SCAPER: variants seen among roughly 807,000 people sequenced by gnomAD.
SCAPER encodes the protein S phase cyclin A-associated protein in the endoplasmic reticulum.
Under a neutral mutation model 182.2 loss-of-function variants are expected in SCAPER, and 98 were observed. That is an observed-to-expected ratio of 0.54 (90% CI 0.46 to 0.64). The LOEUF (loss-of-function observed/expected upper bound fraction) is 0.64, where lower values mean the gene tolerates loss of function less well. SCAPER is among the 30% of genes least tolerant of loss of function. The probability of loss-of-function intolerance (pLI) is 0.00; values close to 1 mark genes in which losing one functional copy is unlikely to be tolerated. For missense variants in SCAPER, 1,432 were observed against 1,690.0 expected (o/e 0.85, Z 2.68); for synonymous variants, 605 against 564.6 (o/e 1.07, Z -1.01).
rs1024959170 is a variant in SCAPER at position 76,707,142 on chromosome 15, A to T, written c.2166-1158T>A. 2.8e-4 allele frequency among the ~76,000 whole-genome samples: 42 copies of T among 152,100 alleles called. 1 individual carries two copies. Among genetic ancestry groups the T allele is most frequent in the Non-Finnish European group, 2.9e-5 (2 of 67,974 alleles). On this transcript the variant is annotated intron_variant, in intron 17 of 31. Coordinates refer to ENST00000563290, the MANE Select transcript of SCAPER (RefSeq NM_020843.4). ...TAATCCAAAAAGCAACTATTAAAGTAACTAAAATAATTTTTTAAAAAACAA... is the reference window on the plus strand; with the variant it reads ...TAATCCAAAAAGCAACTATTAAAGTTACTAAAATAATTTTTTAAAAAACAA...
intron 23 of SCAPER, among the ~76,000 whole-genome samples, chr15:76,568,945 CTAACT>C (rs2047241288): frequency 6.6e-6 from 1 of 151,838 alleles, no homozygotes; most frequent in African/African-American, 2.4e-5. Flanking sequence ...CCTTGTTAAT[CTAACT>C]TATTTGTGCT....
At chr15:76,858,768 C>T (rs1005876733) in intron 3 of SCAPER, among the ~76,000 whole-genome samples, 3 of 152,158 alleles carry the variant, frequency 2.0e-5, no homozygotes, top group Admixed American at 6.5e-5. Flanking sequence ...TAATGATCTC[C>T]AGCTCCATCC....
rs549340427 is a variant in SCAPER at position 76,435,862 on chromosome 15, C to T, written c.3079-1552G>A. ...CTCTAATTCCTAATACTTCAGTGCA[C>T]GCCCTGTAGAACTTTGAAACTCCAG... is the stretch of plus-strand genomic sequence containing the variant. On this transcript the variant is annotated intron_variant, in intron 25 of 31. Transcript: ENST00000563290. Among the ~76,000 whole-genome samples, 10 of 152,202 alleles carry T rather than the reference C, an allele frequency of 6.6e-5. No homozygotes were observed. In the South Asian group the frequency reaches 8.3e-4, roughly 13 times the overall value.
intron 17 of SCAPER, among the ~76,000 whole-genome samples, chr15:76,716,709 G>T (rs1169300368): frequency 6.6e-6 from 1 of 151,618 alleles, no homozygotes; most frequent in African/African-American, 2.4e-5. Context: ...TCAAGCAGAA[G>T]AAAGAACCTT....
At chr15:76,800,474 C>A in intron 6 of SCAPER, 110 bp from the exon 7 acceptor site, 1 of 722,838 alleles carries the variant, frequency 1.4e-6, no homozygotes, top group Non-Finnish European at 2.4e-6. Context: ...TTTTCAACAA[C>A]AACAACAAAA....
intron 22 of SCAPER, among the ~76,000 whole-genome samples, chr15:76,575,949 C>T (rs969878959): frequency 6.6e-6 from 1 of 152,208 alleles, no homozygotes; most frequent in Admixed American, 6.5e-5. Flanking sequence ...GCGAGGTGCT[C>T]GTCTATCTGC....
intron 28 of SCAPER, 35 bp downstream of exon 28, chr15:76,381,343 A>G (rs368715930): frequency 6.4e-7 from 1 of 1,555,622 alleles, no homozygotes; most frequent in African/African-American, 1.4e-5. Context: ...CTAACTCTTG[A>G]TTGGTTAACA....
intron 23 of SCAPER, among the ~76,000 whole-genome samples, chr15:76,517,060 T>C (rs1296889204): frequency 1.3e-5 from 2 of 152,094 alleles, no homozygotes; most frequent in Non-Finnish European, 2.9e-5. Context: ...GGACTGAGTC[T>C]AGGTTTATCT....
At chr15:76,534,601 A>C (rs2043971333) in intron 23 of SCAPER, among the ~76,000 whole-genome samples, 1 of 152,182 alleles carries the variant, frequency 6.6e-6, no homozygotes, top group African/African-American at 2.4e-5. Flanking sequence ...AAAATTTGTA[A>C]TTATAATTTT....
intron 14 of SCAPER, among the ~76,000 whole-genome samples, chr15:76,754,748 G>C (rs2062310671): frequency 1.3e-5 from 2 of 152,008 alleles, no homozygotes; most frequent in African/African-American, 4.8e-5. Flanking sequence ...AAAAAAGTAT[G>C]ATACAAAAAT....
At chr15:76,642,795 G>A (rs1327432837) in intron 21 of SCAPER, among the ~76,000 whole-genome samples, 1 of 151,954 alleles carries the variant, frequency 6.6e-6, no homozygotes, top group Non-Finnish European at 1.5e-5. Flanking sequence ...GTATATGTTT[G>A]GACTTTTAGA....
At chr15:76,718,617 G>A (rs2060020236) in intron 17 of SCAPER, among the ~76,000 whole-genome samples, 1 of 149,554 alleles carries the variant, frequency 6.7e-6, no homozygotes, top group South Asian at 2.1e-4. Context: ...CTCCAGCCTG[G>A]ACAAGAGAAC....
chr15:76,574,229 A>T lies in SCAPER; in HGVS notation c.2767T>A (p.Ser923Thr), dbSNP rs1485666141. 7 of 1,611,936 alleles carry T rather than the reference A, an allele frequency of 4.3e-6. No homozygotes were observed. Residue 923 changes from serine to threonine, a missense_variant, in exon 23 of 32, where the codon TCA (serine) becomes ACA (threonine). Ser to Thr is a moderately conservative substitution (Grantham distance 58). Around this residue, in one of 5 missense-constraint regions of SCAPER, gnomAD observed 718 missense variants for 799.7 expected, o/e 0.90. Transcript: ENST00000563290. ...LKQVQVQDSG[S>T]WANNKVSALD... ...GCAGACACTTTATTGTTTGCCCATG[A>T]GCCACTGTCTTGAACTTGTACTTGT...
chr15:76,851,525 C>T (rs2070755334), intron 4 of SCAPER, among the ~76,000 whole-genome samples: 3 of 152,116 alleles, frequency 2.0e-5, no homozygotes, highest in Non-Finnish European at 2.9e-5. Flanking sequence ...AGACTGGGGG[C>T]CTATATCCAA....
intron 8 of SCAPER, chr15:76,793,303 G>C: frequency 2.6e-6 from 2 of 783,654 alleles, no homozygotes; most frequent in South Asian, 1.5e-5. Flanking sequence ...AAAATCTTTG[G>C]AATTCCCAAA....
chr15:76,785,844 G>A (rs1947076221), intron 8 of SCAPER, among the ~76,000 whole-genome samples: 1 of 152,122 alleles, frequency 6.6e-6, no homozygotes, highest in African/African-American at 2.4e-5. Flanking sequence ...CCTGGACACA[G>A]GGTGGGGAAC....
chr15:76,588,158 G>A (rs768313273), intron 22 of SCAPER, among the ~76,000 whole-genome samples: 2 of 152,018 alleles, frequency 1.3e-5, no homozygotes, highest in African/African-American at 2.4e-5. Flanking sequence ...TCCTGACCTC[G>A]TGATCTGCCT....
chr15:76,774,930 T>C lies in SCAPER; in HGVS notation c.960A>G (p.Gly320=), dbSNP rs2063660402. Reference sequence around the variant, plus strand: ...GATGAGATTCTATAGTATTAGAAGTTCCATCTCCAACAAATTGACCTTTCT... The same window carrying C: ...GATGAGATTCTATAGTATTAGAAGTCCCATCTCCAACAAATTGACCTTTCT... The part of the protein sequence containing the change: ...SIQKGQFVGD[G]TSNTIESHPK... Residue 320 remains glycine, a synonymous_variant, in exon 9 of 32, where the codon GGA becomes GGG. Transcript: ENST00000563290. The C allele has an allele frequency of 1.2e-6, 2 of 1,613,776 alleles. No homozygotes were observed. The highest frequency in any genetic ancestry group is 2.2e-5 in the East Asian group (1 of 44,878).
intron 25 of SCAPER, among the ~76,000 whole-genome samples, chr15:76,452,495 A>C (rs1473128847): frequency 6.6e-6 from 1 of 152,246 alleles, no homozygotes; most frequent in Admixed American, 6.5e-5. Flanking sequence ...AGTATGAGTT[A>C]GGTGTTTTAG....
Sources: allele counts gnomAD v4.1 joint callset (sites outside exome capture counted in the v4.1 genomes callset), GRCh38; gene constraint gnomAD v4.1.1; regional missense constraint gnomAD v4.1.1; transcripts MANE v1.5; gene names NCBI Gene and HGNC (gene_info 2026-07-23, HGNC 2026-07-21).